Variants in NEK8 observed in about 807,000 individuals in gnomAD.
The protein encoded by NEK8 is NIMA related kinase 8, also known as serine/threonine-protein kinase Nek8.
NEK8 carries 51 observed loss-of-function variants against 77.2 expected under a neutral mutation model. That is an observed-to-expected ratio of 0.66 (90% CI 0.53 to 0.83). NEK8 has a LOEUF of 0.83. Ranked by LOEUF, NEK8 falls within the 40% of genes least tolerant of loss-of-function variation. The pLI, the probability that NEK8 is intolerant of heterozygous loss-of-function variation, is 0.00. For missense variants in NEK8, 787 were observed against 909.2 expected (o/e 0.87, Z 1.73); for synonymous variants, 365 against 363.2 (o/e 1.00, Z -0.06).
intron 1 of NEK8, 108 bp from the exon 2 acceptor site, chr17:28,733,875 A>T (rs181429557): frequency 2.3e-6 from 2 of 878,956 alleles, no homozygotes; most frequent in Non-Finnish European, 3.7e-6. Context: ...ATGACCTCTC[A>T]GTCTAGAACC....
At chr17:28,738,051 A>C (rs2034384200) in intron 7 of NEK8, 44 bp from the exon 8 acceptor site, 1 of 1,612,880 alleles carries the variant, frequency 6.2e-7, no homozygotes, top group South Asian at 1.1e-5. Flanking sequence ...GGTCCACAGC[A>C]GGGTTGGGGT....
rs1308842289 is a variant in NEK8 at position 28,734,814 on chromosome 17, T to C, written c.296T>C (p.Leu99Pro). The C allele has an allele frequency of 1.9e-6, 3 of 1,613,796 alleles. No individual in the cohort carries two copies. The highest frequency in any genetic ancestry group is 2.5e-6 in the Non-Finnish European group (3 of 1,180,024). The change falls in exon 3 of 15, where the codon CTG (leucine) becomes CCG (proline). Residue 99 changes from leucine (L) to proline (P), a missense_variant. Leu to Pro is a moderately conservative substitution (Grantham distance 98, BLOSUM62 -3). Coordinates refer to ENST00000268766, the MANE Select transcript of NEK8 (RefSeq NM_178170.3). ...TTCATCCAAAAGCGCTGTAATTCCC[T>C]GCTGGAGGAGGAGACCATCCTGCAC... is the stretch of plus-strand genomic sequence containing the variant. ...AEFIQKRCNSLLEEETILHFF... is the reference protein window; with the variant it reads ...AEFIQKRCNSPLEEETILHFF...
rs1463094819 is a variant in NEK8 at position 28,737,494 on chromosome 17, G to C, written c.807G>C (p.Val269=). ...CCCTCCTCAACCTCCACACCGACGT[G>C]GGCAGTGTCCGCATGCGGAGGCCTG... is the stretch of plus-strand genomic sequence containing the variant. The part of the protein sequence containing the change: ...IRALLNLHTD[V]GSVRMRRAEK... Residue 269 remains valine (V), a synonymous_variant, in exon 5 of 15, where the codon GTG becomes GTC. Coordinates refer to ENST00000268766, the MANE Select transcript of NEK8 (RefSeq NM_178170.3). This position sits in a 1 kb window ranked among gnomAD's most constrained non-coding sequence, Gnocchi z 4.8. 5 of 1,613,026 alleles carry C rather than the reference G, an allele frequency of 3.1e-6. No individual in the cohort carries two copies. Among genetic ancestry groups the C allele is most frequent in the Non-Finnish European group, 4.2e-6 (5 of 1,179,968 alleles).
chr17:28,740,322 C>T lies in NEK8; in HGVS notation c.1418-141C>T. Reference sequence around the variant, plus strand: ...AAAAAATAAAGAAGGAGGATTTTAACCAGCAGAGGGGCCTAGGAAAGGCAT... The same window carrying T: ...AAAAAATAAAGAAGGAGGATTTTAATCAGCAGAGGGGCCTAGGAAAGGCAT... On this transcript the variant is annotated intron_variant, in intron 10 of 14. Coordinates refer to ENST00000268766, the MANE Select transcript of NEK8 (RefSeq NM_178170.3). This position sits in a 1 kb window ranked among gnomAD's most constrained non-coding sequence, Gnocchi z 4.7. 1.4e-6 allele frequency: 1 copy of T among 710,188 alleles called. No homozygotes were observed. Among genetic ancestry groups the T allele is most frequent in the Non-Finnish European group, 2.5e-6 (1 of 398,922 alleles). The allele number at this position is 710,188 out of a possible 1,614,324, so 44.0% of individuals were successfully genotyped here. A position where few individuals can be genotyped will look rare whatever the true frequency, so the allele number is the denominator to read the frequency against.
chr17:28,739,939 G>C (rs2034403396), intron 10 of NEK8, among the ~76,000 whole-genome samples: 1 of 152,142 alleles, frequency 6.6e-6, no homozygotes, highest in South Asian at 2.1e-4. Context: ...GGAATTCAGT[G>C]AACAGTAATG....
rs200489118 is a variant in NEK8 at position 28,737,963 on chromosome 17, C to T, written c.1034C>T (p.Ala345Val). The T allele has an allele frequency of 7.4e-6, 12 of 1,612,264 alleles. No homozygotes were observed. The highest frequency in any genetic ancestry group is 1.0e-5 in the Non-Finnish European group (12 of 1,178,974). Residue 345 changes from alanine (A) to valine (V), a missense_variant, in exon 7 of 15, where the codon GCC becomes GTC. Coordinates refer to ENST00000268766, the MANE Select transcript of NEK8 (RefSeq NM_178170.3). This position sits in a 1 kb window ranked among gnomAD's most constrained non-coding sequence, Gnocchi z 4.8. ...VQVAAGRTQK[A>V]GVTRSGRLIL... ...GTGGCAGCTGGGCGCACGCAGAAAG[C>T]CGGCGTCACGCGCTCTGGGCGTCTC...
In NEK8 at chr17:28,738,890, A is replaced by C. The variant is rs1420618539; in HGVS notation, c.1299+143A>C. The C allele has an allele frequency of 6.1e-6, 5 of 822,144 alleles. No homozygotes were observed. In the African/African-American group the frequency reaches 8.4e-5, roughly 14 times the overall value. 50.9% of individuals were successfully genotyped at this position (822,144 alleles called of 1,614,324 possible). On this transcript the variant is annotated intron_variant, in intron 9 of 14. Coordinates refer to ENST00000268766, the MANE Select transcript of NEK8 (RefSeq NM_178170.3). The stretch of plus-strand genomic sequence containing the variant: ...TTCCCAGCTGCACCTGCTCTGGGCC[A>C]CCTACATCGGGGAAAGTACAGAAAA...
At position 28,738,648 on chromosome 17, in the gene NEK8, T is replaced by C. The variant is rs774103453; in HGVS notation, c.1223-23T>C. The stretch of plus-strand genomic sequence containing the variant: ...ACTGTTTAACTTCTTTCCCTTCTCC[T>C]TCCTCACTGCCCTTCTCCCCAGACA... On this transcript the variant is annotated intron_variant, in intron 8 of 14. Transcript: ENST00000268766. The C allele has an allele frequency of 3.1e-6, 5 of 1,610,250 alleles. No individual in the cohort carries two copies. The African/African-American group carries it at 5.3e-5, about 17-fold the overall frequency.
In NEK8 at chr17:28,741,704, G is replaced by T; in HGVS notation, c.2050+133G>T. 1 of 1,226,768 alleles carries T rather than the reference G, an allele frequency of 8.2e-7. No homozygotes were observed. The allele number at this position is 1,226,768 out of a possible 1,614,324, so 76.0% of individuals were successfully genotyped here. On this transcript the variant is annotated intron_variant, in intron 14 of 14. Coordinates refer to ENST00000268766, the MANE Select transcript of NEK8 (RefSeq NM_178170.3). The surrounding 1 kb of genome is among the most constrained non-coding windows in gnomAD (Gnocchi z 4.5). ...CCAGATAAAAAAAGCAGAAGCTGCGGTTGAAAAGCTTCAAGCTTCCTGCCT... is the reference window on the plus strand; with the variant it reads ...CCAGATAAAAAAAGCAGAAGCTGCGTTTGAAAAGCTTCAAGCTTCCTGCCT...
chr17:28,734,120 A>G lies in NEK8; in HGVS notation c.185A>G (p.Asn62Ser), dbSNP rs1367917533. 8 of 1,614,006 alleles carry G rather than the reference A, an allele frequency of 5.0e-6. No individual in the cohort carries two copies. Among genetic ancestry groups the G allele is most frequent in the East Asian group, 2.2e-5 (1 of 44,890 alleles). Reference sequence around the variant, plus strand: ...GTCCTCAAGCTGCTCAACCACCCCAATGTCATTGAGTACTACGAGAACTTC... The same window carrying G: ...GTCCTCAAGCTGCTCAACCACCCCAGTGTCATTGAGTACTACGAGAACTTC... ...CQVLKLLNHP[N>S]VIEYYENFLE... Residue 62 changes from asparagine to serine, a missense_variant, in exon 2 of 15, where the codon AAT becomes AGT. Physicochemically the swap from Asn to Ser is conservative, Grantham distance 46. This residue lies in a region of NEK8 where 271 missense variants were observed against 365.1 expected (regional missense o/e 0.74). Transcript: ENST00000268766.
intron 1 of NEK8, among the ~76,000 whole-genome samples, chr17:28,731,239 A>G (rs1043741014): frequency 6.6e-6 from 1 of 151,796 alleles, no homozygotes; most frequent in Non-Finnish European, 1.5e-5. Context: ...CTCTGTCTCA[A>G]AAAAAAATAA....
Position 28,733,837 on chromosome 17 carries a change from A to C in NEK8, c.48-146A>C, listed in dbSNP as rs1183530338. On this transcript the variant is annotated intron_variant, in intron 1 of 14. Transcript: ENST00000268766. ...CTTGTAATCAGTTCTCCCTGTTCCC[A>C]AGTTCAGTGTTCTGTGCGCTTGGTT... 6 of 718,332 alleles carry C rather than the reference A, an allele frequency of 8.4e-6. No homozygotes were observed. The Admixed American group carries it at 1.2e-4, about 14-fold the overall frequency. 44.5% of individuals were successfully genotyped at this position (718,332 alleles called of 1,614,324 possible). A position where few individuals can be genotyped will look rare whatever the true frequency, so the allele number is the denominator to read the frequency against.
intron 1 of NEK8, among the ~76,000 whole-genome samples, chr17:28,732,322 C>T (rs2151731017): frequency 6.6e-6 from 1 of 151,804 alleles, no homozygotes; most frequent in Non-Finnish European, 1.5e-5. Flanking sequence ...AAATAAATGT[C>T]ATTCTGGTTC....
At chr17:28,739,755 A>C (rs1487486202) in intron 10 of NEK8, among the ~76,000 whole-genome samples, 4 of 151,750 alleles carry the variant, frequency 2.6e-5, no homozygotes, top group African/African-American at 9.7e-5. Flanking sequence ...CCCATCCACT[A>C]ATTTTTTTTA....
rs749188773 is a variant in NEK8, at chr17:28,741,946, C to T, written c.2051-13C>T. 5.0e-6 allele frequency: 8 copies of T among 1,613,862 alleles called. No homozygotes were observed. Among genetic ancestry groups the T allele is most frequent in the Non-Finnish European group, 6.8e-6 (8 of 1,179,926 alleles). ...CTCAGAAGCTGCAAGGGTTTCTCTT[C>T]GGTACCCTCCAGCGGTCACAGATGA... On this transcript the variant is annotated splice_polypyrimidine_tract_variant and intron_variant, in intron 14 of 14. Coordinates refer to ENST00000268766, the MANE Select transcript of NEK8 (RefSeq NM_178170.3). This position sits in a 1 kb window ranked among gnomAD's most constrained non-coding sequence, Gnocchi z 4.5.
Position 28,740,413 on chromosome 17 carries a change from A to G in NEK8, c.1418-50A>G. On this transcript the variant is annotated intron_variant, in intron 10 of 14. Transcript: ENST00000268766. This position sits in a 1 kb window ranked among gnomAD's most constrained non-coding sequence, Gnocchi z 4.7. ...CTCAGTGGGCCCTCCTCATTCGGGC[A>G]TCACCCCCACTAAAGCTCAAATTAA... is the stretch of plus-strand genomic sequence containing the variant. 2 of 1,581,892 alleles carry G rather than the reference A, an allele frequency of 1.3e-6. No individual in the cohort carries two copies. The highest frequency in any genetic ancestry group is 8.7e-7 in the Non-Finnish European group (1 of 1,150,740).
At chr17:28,732,782 C>G (rs1408155608) in intron 1 of NEK8, among the ~76,000 whole-genome samples, 2 of 151,962 alleles carry the variant, frequency 1.3e-5, no homozygotes, top group East Asian at 3.9e-4. Flanking sequence ...AAATTCCTGA[C>G]CTCAAATGCT....
At chr17:28,732,997 C>T (rs575003919) in intron 1 of NEK8, 1 of 151,976 alleles carries the variant, frequency 6.6e-6, no homozygotes, top group South Asian at 2.1e-4. Context: ...CCTCATCCTC[C>T]AGAGCAGCTG....
rs1277490149 is a variant in NEK8, at chr17:28,734,811, C to A, written c.293C>A (p.Ser98Tyr). 6.2e-7 allele frequency: 1 copy of A among 1,613,760 alleles called. No individual in the cohort carries two copies. ...LAEFIQKRCNSLLEEETILHF... is the reference protein window; with the variant it reads ...LAEFIQKRCNYLLEEETILHF... ...GAGTTCATCCAAAAGCGCTGTAATT[C>A]CCTGCTGGAGGAGGAGACCATCCTG... The change falls in exon 3 of 15, where the codon TCC becomes TAC. Residue 98 changes from serine (S) to tyrosine (Y), a missense_variant. Physicochemically the swap from Ser to Tyr is moderately radical, Grantham distance 144. This residue lies in a region of NEK8 where 271 missense variants were observed against 365.1 expected (regional missense o/e 0.74). Coordinates refer to ENST00000268766, the MANE Select transcript of NEK8 (RefSeq NM_178170.3).
Sources: gnomAD v4.1 joint callset for allele counts (sites outside exome capture counted in the v4.1 genomes callset) on GRCh38, gnomAD v4.1.1 for gene constraint, gnomAD v4.1.1 regional missense constraint, Gnocchi (gnomAD v3.1) non-coding constraint, MANE v1.5 for transcripts, NCBI Gene and HGNC (gene_info 2026-07-23, HGNC 2026-07-21) for gene names.